SPIDR: variants seen among roughly 807,000 people sequenced by gnomAD.
The protein encoded by SPIDR is DNA repair-scaffolding protein.
A neutral mutation model predicts 104.6 loss-of-function variants in SPIDR; 93 were observed. That is an observed-to-expected ratio of 0.89 (90% CI 0.75 to 1.06). The LOEUF (loss-of-function observed/expected upper bound fraction) is 1.06. Ranked by LOEUF, SPIDR falls within the 50% of genes least tolerant of loss-of-function variation. The probability of loss-of-function intolerance (pLI) is 0.00; values close to 1 mark genes in which losing one functional copy is unlikely to be tolerated. For missense variants in SPIDR, 1,154 were observed against 1,111.2 expected, an observed-to-expected ratio of 1.04 and a Z score of -0.55; for synonymous variants, 431 against 416.9, an observed-to-expected ratio of 1.03 and a Z score of -0.41.
At position 47,357,910 on chromosome 8, in the gene SPIDR, T is replaced by C. The variant is rs143998625; in HGVS notation, c.526-38466T>C. 1.2e-4 allele frequency: 113 copies of C among 973,740 alleles called. No individual in the cohort carries two copies. The East Asian group carries it at 0.011, about 96-fold the overall frequency. 60.3% of individuals were successfully genotyped at this position (973,740 alleles called of 1,614,324 possible). A position where few individuals can be genotyped will look rare whatever the true frequency, so the allele number is the denominator to read the frequency against. ...CTGGAGAGCATTAAATAAGAAGTAC[T>C]CACCTGTGATTTCAGCAGGCTTGCA... On this transcript the variant is annotated intron_variant, in intron 5 of 19. Coordinates refer to ENST00000297423, the MANE Select transcript of SPIDR (RefSeq NM_001080394.4).
chr8:47,549,727 C>G (rs1373284174), intron 8 of SPIDR, among the ~76,000 whole-genome samples: 2 of 152,214 alleles, frequency 1.3e-5, no homozygotes, highest in South Asian at 2.1e-4. Context: ...CCTGTTCACT[C>G]TGATGGTAGT....
chr8:47,581,396 A>T (rs2059679408), intron 8 of SPIDR, among the ~76,000 whole-genome samples: 1 of 152,212 alleles, frequency 6.6e-6, no homozygotes, highest in East Asian at 1.9e-4. Context: ...GCTAGAATTA[A>T]ACGAGGGCTT....
intron 8 of SPIDR, chr8:47,592,312 G>A (rs1408513551): frequency 1.8e-6 from 2 of 1,110,400 alleles, no homozygotes; most frequent in Non-Finnish European, 2.8e-6. Flanking sequence ...GATCTGCAGT[G>A]CTGGGGACCA....
intron 5 of SPIDR, among the ~76,000 whole-genome samples, chr8:47,347,755 C>G (rs2052455173): frequency 6.6e-6 from 1 of 152,128 alleles, no homozygotes; most frequent in Non-Finnish European, 1.5e-5. Context: ...TTTTATCAGA[C>G]TAGGATTGCA....
chr8:47,525,996 T>C (rs895484412), intron 8 of SPIDR, among the ~76,000 whole-genome samples: 2 of 152,148 alleles, frequency 1.3e-5, no homozygotes, highest in Non-Finnish European at 2.9e-5. Context: ...CTGGCAAAAC[T>C]TAGCATAGTG....
chr8:47,323,838 TG>T (rs2047209528), intron 5 of SPIDR, among the ~76,000 whole-genome samples: 1 of 152,218 alleles, frequency 6.6e-6, no homozygotes. Context: ...ACAGAACCCA[TG>T]GACACCTTTA....
intron 8 of SPIDR, among the ~76,000 whole-genome samples, chr8:47,536,905 A>G: frequency 6.6e-6 from 1 of 152,358 alleles, no homozygotes; most frequent in East Asian, 1.9e-4. Flanking sequence ...AAATTAATAA[A>G]AGCTCTGAAC....
intron 5 of SPIDR, among the ~76,000 whole-genome samples, chr8:47,342,328 CTTT>C (rs11357859): frequency 1.0e-4 from 7 of 68,906 alleles, no homozygotes; most frequent in African/African-American, 3.9e-4. Flanking sequence ...TTTCAAAGGT[CTTT>C]TTTTTTTTTT....
At chr8:47,396,306 A>G (rs782368097) in intron 5 of SPIDR, 70 bp from the exon 6 acceptor site, 4 of 1,269,646 alleles carry the variant, frequency 3.2e-6, no homozygotes, top group South Asian at 1.3e-5. Context: ...TGATAGATGT[A>G]TATAAATGTG....
At chr8:47,722,991 A>C (rs187927302) in intron 16 of SPIDR, among the ~76,000 whole-genome samples, 6 of 152,080 alleles carry the variant, frequency 3.9e-5, no homozygotes, top group African/African-American at 1.4e-4. Flanking sequence ...GGGATGGCAC[A>C]CACCACCATG....
intron 7 of SPIDR, among the ~76,000 whole-genome samples, chr8:47,417,504 T>G (rs1208177095): frequency 6.6e-6 from 1 of 152,192 alleles, no homozygotes; most frequent in Non-Finnish European, 1.5e-5. Flanking sequence ...TTTGAGTTCA[T>G]TGTAGATTCT....
At chr8:47,421,671 A>T (rs1321353183) in intron 7 of SPIDR, among the ~76,000 whole-genome samples, 2 of 152,120 alleles carry the variant, frequency 1.3e-5, no homozygotes, top group Non-Finnish European at 2.9e-5. Flanking sequence ...GTTCCTTTGG[A>T]GGAGGAGAGG....
chr8:47,354,973 G>C (rs1554624817), intron 5 of SPIDR, among the ~76,000 whole-genome samples: 1 of 150,952 alleles, frequency 6.6e-6, no homozygotes. Context: ...TTCTTTTCTT[G>C]AGCTGGAGTT....
intron 2 of SPIDR, among the ~76,000 whole-genome samples, chr8:47,282,848 T>A (rs1586298819): frequency 2.6e-5 from 4 of 151,978 alleles, no homozygotes. Context: ...ATTTCCAGCT[T>A]CTTTTTTCTT....
chr8:47,357,803 AGG>A, intron 5 of SPIDR: 5 of 956,432 alleles, frequency 5.2e-6, no homozygotes, highest in Non-Finnish European at 5.0e-6. Flanking sequence ...GGAAATGGAG[AGG>A]ATATAAGGAG....
intron 5 of SPIDR, among the ~76,000 whole-genome samples, chr8:47,375,423 G>A (rs1222710376): frequency 1.3e-5 from 2 of 151,530 alleles, no homozygotes; most frequent in Non-Finnish European, 2.9e-5. Context: ...TGTATTTTTA[G>A]TAGAGACGGG....
chr8:47,593,945 C>CA (rs2061355149), intron 8 of SPIDR, among the ~76,000 whole-genome samples: 1 of 152,108 alleles, frequency 6.6e-6, no homozygotes, highest in Admixed American at 6.5e-5. Flanking sequence ...CTTCCTCTGG[C>CA]ACCACCCCAG....
intron 8 of SPIDR, among the ~76,000 whole-genome samples, chr8:47,514,621 T>A (rs938322810): frequency 2.6e-5 from 4 of 152,164 alleles, no homozygotes; most frequent in African/African-American, 9.7e-5. Context: ...TCTGAGGCTG[T>A]CAGAGTTACT....
intron 10 of SPIDR, among the ~76,000 whole-genome samples, chr8:47,637,240 T>G (rs923200525): frequency 2.6e-5 from 4 of 152,186 alleles, no homozygotes; most frequent in Non-Finnish European, 4.4e-5. Flanking sequence ...TTTTATGACT[T>G]TAACAGTTTT....
Sources: allele counts gnomAD v4.1 joint callset (sites outside exome capture counted in the v4.1 genomes callset), GRCh38; gene constraint gnomAD v4.1.1; transcripts MANE v1.5; gene names NCBI Gene and HGNC (gene_info 2026-07-23, HGNC 2026-07-21).